The following KCNT1 variants were observed in gnomAD, a reference collection of about 807,000 sequenced individuals.
KCNT1 encodes potassium channel subfamily T member 1.
In KCNT1, 78 loss-of-function variants were observed where a neutral mutation model predicts 147.8. The ratio of observed to expected loss-of-function variants is 0.53; its 90% CI spans 0.44 to 0.64. The LOEUF is 0.64. KCNT1 is among the 30% of genes least tolerant of loss of function. The pLI is 0.00. For synonymous variants in KCNT1, 867 were observed against 748.8 expected, an observed-to-expected ratio of 1.16 and a Z score of -2.58; for missense variants, 1,419 against 1,750.3, an observed-to-expected ratio of 0.81 and a Z score of 3.38.
chr9:135,725,883 C>G (rs530668627), intron 2 of KCNT1, among the ~76,000 whole-genome samples: 1 of 152,170 alleles, frequency 6.6e-6, no homozygotes, highest in Non-Finnish European at 1.5e-5. Flanking sequence ...AAGAGGCCCC[C>G]TCCCACCCGC....
chr9:135,732,364 G>A (rs1397831419), intron 2 of KCNT1, among the ~76,000 whole-genome samples: 1 of 152,118 alleles, frequency 6.6e-6, no homozygotes, highest in East Asian at 1.9e-4. Context: ...CTTCTACCCA[G>A]GGGTACAAGC....
At chr9:135,743,187 G>C (rs954841855) in intron 2 of KCNT1, among the ~76,000 whole-genome samples, 1 of 151,984 alleles carries the variant, frequency 6.6e-6, no homozygotes, top group East Asian at 1.9e-4. Context: ...TGTGCCGGTC[G>C]AGCTCCCAGG....
intron 24 of KCNT1, among the ~76,000 whole-genome samples, chr9:135,780,247 T>TCAG (rs112496854): frequency 0.17 from 25,807 of 152,140 alleles, 3,319 homozygotes; most frequent in African/African-American, 0.35. Flanking sequence ...GGCACCTTGG[T>TCAG]CAGCAGCAAT....
intron 6 of KCNT1, among the ~76,000 whole-genome samples, chr9:135,756,439 G>A (rs527731703): frequency 1.5e-4 from 23 of 152,280 alleles, no homozygotes; most frequent in African/African-American, 5.1e-4. Context: ...TGAGACCAGA[G>A]AGGGTCTTTC....
intron 6 of KCNT1, among the ~76,000 whole-genome samples, chr9:135,756,605 C>T (rs1251209512): frequency 6.6e-6 from 1 of 152,190 alleles, no homozygotes; most frequent in East Asian, 1.9e-4. Context: ...AGCGTCCTGC[C>T]TCACCCACTG....
intron 2 of KCNT1, among the ~76,000 whole-genome samples, chr9:135,747,580 A>G (rs1564341532): frequency 6.6e-6 from 1 of 151,866 alleles, no homozygotes; most frequent in Non-Finnish European, 1.5e-5. Flanking sequence ...CGGCGGACAG[A>G]CCCCCCAAAG....
chr9:135,771,094 G>A lies in KCNT1; in HGVS notation c.2007G>A (p.Met669Ile). ...RLPVHSIIAS[M>I]GTVAMDLQGT... The stretch of plus-strand genomic sequence containing the variant: ...CCGTGCACAGCATCATCGCCTCCAT[G>A]GGTGAGCCGGGACAGGCGCGCGGGA... The change falls in exon 18 of 31, where the codon ATG becomes ATA. Residue 669 changes from methionine (M) to isoleucine (I), a missense_variant and splice_region_variant. Met to Ile is a conservative substitution (Grantham distance 10). Transcript: ENST00000371757. The A allele has an allele frequency of 6.2e-7, 1 of 1,608,978 alleles. No individual in the cohort carries two copies. The highest frequency in any genetic ancestry group is 8.5e-7 in the Non-Finnish European group (1 of 1,177,464).
At chr9:135,715,976 G>A (rs969818606) in intron 2 of KCNT1, among the ~76,000 whole-genome samples, 2 of 152,174 alleles carry the variant, frequency 1.3e-5, no homozygotes, top group East Asian at 1.9e-4. Context: ...CTCTAATAAT[G>A]AGCCCACCTA....
intron 29 of KCNT1, among the ~76,000 whole-genome samples, chr9:135,788,603 G>C (rs945130447): frequency 9.9e-5 from 15 of 152,196 alleles, no homozygotes; most frequent in Admixed American, 8.5e-4. Context: ...AGAGGGTCCC[G>C]AGCCAGGGCC....
chr9:135,775,466 G>T, intron 20 of KCNT1, 51 bp downstream of exon 20: 1 of 1,383,518 alleles, frequency 7.2e-7, no homozygotes, highest in South Asian at 1.3e-5. Context: ...CCAGCACCGG[G>T]CCGTGCATAC....
intron 2 of KCNT1, among the ~76,000 whole-genome samples, chr9:135,720,053 G>A (rs542026933): frequency 2.6e-5 from 4 of 152,260 alleles, no homozygotes; most frequent in Admixed American, 6.5e-5. Context: ...GCGGGCCTGC[G>A]TGGAGGATGG....
chr9:135,744,908 G>A (rs1358673800), intron 2 of KCNT1, among the ~76,000 whole-genome samples: 3 of 152,220 alleles, frequency 2.0e-5, no homozygotes, highest in Non-Finnish European at 2.9e-5. Flanking sequence ...GGGCAGTGGC[G>A]GTCCCTGGTG....
In KCNT1 at chr9:135,719,437, C is replaced by T. The variant is rs183083721; in HGVS notation, c.254+4717C>T. ...AGGCTCAGGAAGATGCTGTGTATGT[C>T]GGGGGATGCATGCTTTGGGGACACT... On this transcript the variant is annotated intron_variant, in intron 2 of 30. Coordinates refer to ENST00000371757, the MANE Select transcript of KCNT1 (RefSeq NM_020822.3). 2.5e-3 allele frequency among the ~76,000 whole-genome samples: 373 copies of T among 152,196 alleles called. 2 individuals are homozygous for T. Among genetic ancestry groups the T allele is most frequent in the African/African-American group, 8.4e-3 (348 of 41,524 alleles).
chr9:135,760,839 C>T (rs946139866), intron 11 of KCNT1, among the ~76,000 whole-genome samples: 14 of 152,224 alleles, frequency 9.2e-5, no homozygotes, highest in African/African-American at 3.1e-4. Context: ...GCCACTCCAC[C>T]GTCCAGTGCC....
At chr9:135,736,422 C>T (rs1830336414) in intron 2 of KCNT1, 1 of 152,228 alleles carries the variant, frequency 6.6e-6, no homozygotes, top group Non-Finnish European at 1.5e-5. Context: ...GCCGCAGGGC[C>T]ACCGGGTGCT....
At chr9:135,713,998 G>A (rs1230380478) in intron 1 of KCNT1, among the ~76,000 whole-genome samples, 1 of 152,156 alleles carries the variant, frequency 6.6e-6, no homozygotes, top group African/African-American at 2.4e-5. Flanking sequence ...GACCTGAGCT[G>A]AGCTGCTCCG....
intron 27 of KCNT1, 113 bp downstream of exon 27, chr9:135,785,002 C>T (rs1388001435): frequency 6.9e-6 from 10 of 1,452,740 alleles, no homozygotes; most frequent in South Asian, 3.9e-5. Flanking sequence ...GTGTGACCCA[C>T]AGCATCCCCA....
intron 4 of KCNT1, among the ~76,000 whole-genome samples, 196 bp downstream of exon 4, chr9:135,751,237 G>C (rs1038833251): frequency 2.6e-5 from 4 of 152,054 alleles, no homozygotes; most frequent in African/African-American, 9.7e-5. Context: ...AGACGGCTCA[G>C]CGTAGGGAGA....
At chr9:135,757,734 G>T (rs1412252073) in intron 9 of KCNT1, among the ~76,000 whole-genome samples, 1 of 152,136 alleles carries the variant, frequency 6.6e-6, no homozygotes, top group African/African-American at 2.4e-5. Context: ...GGGGCCACAG[G>T]CAGGCCCTGT....
Sources: allele counts gnomAD v4.1 joint callset (sites outside exome capture counted in the v4.1 genomes callset), GRCh38; gene constraint gnomAD v4.1.1; transcripts MANE v1.5; gene names NCBI Gene and HGNC (gene_info 2026-07-23, HGNC 2026-07-21).